ATP6V1H: variants seen among roughly 807,000 people sequenced by gnomAD.
The protein encoded by ATP6V1H is V-type proton ATPase subunit H.
A neutral mutation model predicts 71.7 loss-of-function variants in ATP6V1H; 39 were observed. That is an observed-to-expected ratio of 0.54 (90% CI 0.42 to 0.71). The LOEUF is 0.71. Among genes scored for constraint, ATP6V1H ranks in the 30% least tolerant of loss-of-function variants. The pLI is 0.00. For synonymous variants in ATP6V1H, 192 were observed against 199.3 expected (o/e 0.96, Z 0.31); for missense variants, 509 against 594.9 (o/e 0.86, Z 1.50).
At position 53,715,941 on chromosome 8, in the gene ATP6V1H, G is replaced by A. The variant is rs188305767; in HGVS notation, c.*23C>T. 3.2e-4 allele frequency: 510 copies of A among 1,604,764 alleles called. 3 individuals are homozygous for A. The East Asian group carries it at 5.9e-3, about 19-fold the overall frequency. On this transcript the variant is annotated 3_prime_UTR_variant, in exon 14 of 14. Transcript: ENST00000359530. ...CCCACTACTGGTTCTGCATTGAGGC[G>A]GAGGGGAAGGCCAGAGGCAGGCTTA...
intron 9 of ATP6V1H, among the ~76,000 whole-genome samples, chr8:53,792,554 C>T (rs921409045): frequency 1.3e-5 from 2 of 152,138 alleles, no homozygotes; most frequent in East Asian, 1.9e-4. Flanking sequence ...TTCCTTTTCA[C>T]GTTTCCCCCT....
At chr8:53,751,532 C>G (rs1807798104) in intron 12 of ATP6V1H, among the ~76,000 whole-genome samples, 1 of 152,090 alleles carries the variant, frequency 6.6e-6, no homozygotes, top group Non-Finnish European at 1.5e-5. Flanking sequence ...AAGTGCACGA[C>G]TTTTTTTAAA....
intron 6 of ATP6V1H, 91 bp downstream of exon 6, chr8:53,814,571 T>C (rs1810386780): frequency 2.8e-6 from 2 of 710,016 alleles, no homozygotes; most frequent in South Asian, 4.3e-5. Flanking sequence ...TAATAAAACA[T>C]TTTTGTAATT....
chr8:53,715,741 T>A lies in ATP6V1H; in HGVS notation c.*223A>T, dbSNP rs1326786484. 2 of 425,522 alleles carry A rather than the reference T, an allele frequency of 4.7e-6. No homozygotes were observed. Among genetic ancestry groups the A allele is most frequent in the African/African-American group, 2.0e-5 (1 of 49,684 alleles). 26.4% of individuals were successfully genotyped at this position (425,522 alleles called of 1,614,324 possible). ...ATAAATACAGAAATTGCAAGCAGTA[T>A]ATGTAACAGTAATATTTTCTTTAAA... On this transcript the variant is annotated 3_prime_UTR_variant, in exon 14 of 14. Transcript: ENST00000359530.
chr8:53,799,382 C>T (rs988875607), intron 8 of ATP6V1H, among the ~76,000 whole-genome samples: 1 of 151,860 alleles, frequency 6.6e-6, no homozygotes, highest in African/African-American at 2.4e-5. Context: ...AAATAATTAC[C>T]CTTTATTGCA....
intron 4 of ATP6V1H, among the ~76,000 whole-genome samples, chr8:53,817,744 T>C (rs1398261628): frequency 1.3e-5 from 2 of 152,076 alleles, no homozygotes; most frequent in African/African-American, 4.8e-5. Context: ...ATGATTATGA[T>C]TATTTTAAAT....
chr8:53,824,017 C>T lies in ATP6V1H; in HGVS notation c.306+5427G>A, dbSNP rs529984320. On this transcript the variant is annotated intron_variant, in intron 4 of 13. Transcript: ENST00000359530. Reference sequence around the variant, plus strand: ...ATCAAGAAAAAAAAAAAGCAGAAAGCACAAATAAACTAAGAAATGACATGG... The same window carrying T: ...ATCAAGAAAAAAAAAAAGCAGAAAGTACAAATAAACTAAGAAATGACATGG... 5.4e-5 allele frequency among the ~76,000 whole-genome samples: 8 copies of T among 147,968 alleles called. No homozygotes were observed. The East Asian group carries it at 1.4e-3, about 26-fold the overall frequency.
At chr8:53,784,365 C>T (rs1175688127) in intron 9 of ATP6V1H, among the ~76,000 whole-genome samples, 1 of 152,144 alleles carries the variant, frequency 6.6e-6, no homozygotes, top group African/African-American at 2.4e-5. Context: ...GCAACCCCTG[C>T]CTTTTTTTGT....
intron 9 of ATP6V1H, among the ~76,000 whole-genome samples, chr8:53,779,247 C>T (rs1459499900): frequency 6.6e-6 from 1 of 151,970 alleles, no homozygotes; most frequent in African/African-American, 2.4e-5. Flanking sequence ...CTTTTAAGTG[C>T]ACTTGGTACA....
intron 13 of ATP6V1H, 45 bp downstream of exon 13, chr8:53,743,532 G>T: frequency 1.4e-6 from 2 of 1,380,720 alleles, no homozygotes; most frequent in South Asian, 1.2e-5. Flanking sequence ...GCAAGTGAGA[G>T]TTTGCAGACT....
intron 9 of ATP6V1H, among the ~76,000 whole-genome samples, chr8:53,780,244 T>A (rs1270933541): frequency 2.0e-5 from 3 of 151,880 alleles, no homozygotes; most frequent in Non-Finnish European, 4.4e-5. Flanking sequence ...AGAACAACCC[T>A]ATGGTATTCT....
intron 9 of ATP6V1H, among the ~76,000 whole-genome samples, chr8:53,785,264 T>C (rs911092800): frequency 8.5e-5 from 13 of 152,196 alleles, no homozygotes; most frequent in African/African-American, 3.1e-4. Context: ...TCTAAACTTC[T>C]CTTATCACTT....
chr8:53,727,989 T>C (rs1806875997), intron 13 of ATP6V1H, among the ~76,000 whole-genome samples: 3 of 152,202 alleles, frequency 2.0e-5, no homozygotes, highest in Admixed American at 2.0e-4. Context: ...ACTGGTCTTC[T>C]TTCCTCTGTC....
chr8:53,774,097 CTGA>C (rs1195589169), intron 9 of ATP6V1H, among the ~76,000 whole-genome samples: 19 of 152,114 alleles, frequency 1.2e-4, no homozygotes, highest in Admixed American at 1.2e-3. Flanking sequence ...GAGAATGGGG[CTGA>C]TATTTTATTT....
At chr8:53,824,773 C>G (rs1406957480) in intron 4 of ATP6V1H, among the ~76,000 whole-genome samples, 1 of 150,846 alleles carries the variant, frequency 6.6e-6, no homozygotes, top group Non-Finnish European at 1.5e-5. Flanking sequence ...GTTTTATAAC[C>G]CATAAGAATT....
At chr8:53,787,452 C>T (rs1262372176) in intron 9 of ATP6V1H, among the ~76,000 whole-genome samples, 1 of 152,180 alleles carries the variant, frequency 6.6e-6, no homozygotes, top group East Asian at 1.9e-4. Context: ...CATGCGTGTG[C>T]ATGTTTATGT....
chr8:53,835,559 T>C (rs1429125340), intron 2 of ATP6V1H, among the ~76,000 whole-genome samples: 1 of 152,258 alleles, frequency 6.6e-6, no homozygotes, highest in East Asian at 1.9e-4. Context: ...ATATGCCAAA[T>C]TGTTTTGTAT....
chr8:53,827,945 T>C (rs910092939), intron 4 of ATP6V1H, among the ~76,000 whole-genome samples: 3 of 152,212 alleles, frequency 2.0e-5, no homozygotes, highest in South Asian at 2.1e-4. Flanking sequence ...CATGCTCTCA[T>C]TCTGTTTTAT....
chr8:53,837,990 G>C (rs1027806470), intron 2 of ATP6V1H, among the ~76,000 whole-genome samples: 8 of 152,098 alleles, frequency 5.3e-5, no homozygotes, highest in Non-Finnish European at 1.0e-4. Flanking sequence ...GGTAAATGAA[G>C]AAGCCTGGAG....
Sources: allele counts gnomAD v4.1 joint callset (sites outside exome capture counted in the v4.1 genomes callset), GRCh38; gene constraint gnomAD v4.1.1; transcripts MANE v1.5; gene names NCBI Gene and HGNC (gene_info 2026-07-23, HGNC 2026-07-21).